KMT5C: variants seen among roughly 807,000 people sequenced by gnomAD.
The protein encoded by KMT5C is lysine methyltransferase 5C, also known as histone-lysine N-methyltransferase KMT5C.
KMT5C carries 16 observed loss-of-function variants against 38.2 expected under a neutral mutation model. The observed-to-expected ratio is 0.42, with a 90% CI of 0.28 to 0.64. KMT5C has a LOEUF of 0.64. Ranked by LOEUF, KMT5C falls within the 30% of genes least tolerant of loss-of-function variation. KMT5C has a pLI of 0.23. For synonymous variants in KMT5C, 291 were observed against 279.0 expected (o/e 1.04, Z -0.43); for missense variants, 598 against 665.1 (o/e 0.90, Z 1.11).
In KMT5C at chr19:55,346,508, AAGG is replaced by A; in HGVS notation, c.719_721del (p.Gly240del). ...TTCACCCGGTCTCCCAGGAAAGGTG[AAGG>A]AGCTTTCCGAACCAGGCCTAGGGAG... On this transcript the variant is annotated inframe_deletion, in exon 8 of 9. Transcript: ENST00000255613. 6.3e-7 allele frequency: 1 copy of A among 1,594,650 alleles called. No homozygotes were observed.
chr19:55,341,996 C>T lies in KMT5C; in HGVS notation c.60C>T (p.Ser20=), dbSNP rs377216338. 4 of 1,613,800 alleles carry T rather than the reference C, an allele frequency of 2.5e-6. No homozygotes were observed. Among genetic ancestry groups the T allele is most frequent in the Non-Finnish European group, 3.4e-6 (4 of 1,179,958 alleles). ...GCGAGAACGACGACCTGGCCACCAGCCTCGTCCTGGACCCCTACCTCGGTT... is the reference window on the plus strand; with the variant it reads ...GCGAGAACGACGACCTGGCCACCAGTCTCGTCCTGGACCCCTACCTCGGTT... ...ELCENDDLAT[S]LVLDPYLGFR... is the part of the protein sequence containing the mutation. Residue 20 remains serine, a synonymous_variant, in exon 2 of 9, where the codon AGC becomes AGT. Transcript: ENST00000255613.
In KMT5C at chr19:55,342,065, G is replaced by A. The variant is rs527764983; in HGVS notation, c.110+19G>A. On this transcript the variant is annotated intron_variant, in intron 2 of 8. Coordinates refer to ENST00000255613, the MANE Select transcript of KMT5C (RefSeq NM_032701.4). ...ACGTCAGGTGAGGTGGCCTGGGGGC[G>A]AGGGTGGGCCCGAGGGGTCAGGACC... is the stretch of plus-strand genomic sequence containing the variant. The A allele has an allele frequency of 1.2e-5, 19 of 1,601,924 alleles. No homozygotes were observed. The highest frequency in any genetic ancestry group is 4.5e-5 in the East Asian group (2 of 44,820).
chr19:55,346,169 C>T (rs1413351575), intron 6 of KMT5C, 44 bp from the exon 7 acceptor site: 21 of 1,611,182 alleles, frequency 1.3e-5, no homozygotes, highest in Non-Finnish European at 1.6e-5. Flanking sequence ...GGTGAGCCCT[C>T]CCCTGTGCCC....
At chr19:55,344,057 G>A (rs1285305005) in intron 6 of KMT5C, 60 bp downstream of exon 6, 3 of 1,579,652 alleles carry the variant, frequency 1.9e-6, no homozygotes, top group African/African-American at 2.7e-5. Flanking sequence ...CTGTGGCCTG[G>A]GGAAAGGGTT....
chr19:55,347,137 G>A lies in KMT5C; in HGVS notation c.1077G>A (p.Trp359Ter). The change falls in exon 9 of 9, where the codon TGG becomes TGA. Residue 359 changes from tryptophan (W) to a stop codon, truncating the protein, a stop_gained. Transcript: ENST00000255613. LOFTEE classifies it high-confidence loss of function. The surrounding 1 kb of genome is among the most constrained non-coding windows in gnomAD (Gnocchi z 4.6). ...CTGCCCGCGTCTCCCTGCACCGATG[G>A]GGAGGCTGTGGCCCCCACTGCCGCC... ...HHAARVSLHRWGGCGPHCRLR... is the reference protein window; with the variant it reads ...HHAARVSLHR The A allele has an allele frequency of 6.5e-7, 1 of 1,540,224 alleles. No individual in the cohort carries two copies. Among genetic ancestry groups the A allele is most frequent in the African/African-American group, 1.4e-5 (1 of 73,366 alleles).
chr19:55,346,239 C>G lies in KMT5C; in HGVS notation c.597C>G (p.Ala199=). ...TTGTGCCTGCAGATGGGAACGCAGC[C>G]TGCGTGAAGGTGCTCCGGGACATTG... ...CKFVPADGNA[A]CVKVLRDIEP... Residue 199 remains alanine (A), a synonymous_variant, in exon 7 of 9, where the codon GCC becomes GCG. Transcript: ENST00000255613. 1 of 1,614,018 alleles carries G rather than the reference C, an allele frequency of 6.2e-7. No homozygotes were observed. Among genetic ancestry groups the G allele is most frequent in the South Asian group, 1.1e-5 (1 of 91,088 alleles).
At chr19:55,344,567 G>A (rs963577756) in intron 6 of KMT5C, 15 of 387,678 alleles carry the variant, frequency 3.9e-5, no homozygotes, top group South Asian at 2.2e-4. Context: ...TCTGAAAACC[G>A]AGCTGGGAGC....
chr19:55,344,174 A>G, intron 6 of KMT5C, 177 bp downstream of exon 6: 1 of 602,280 alleles, frequency 1.7e-6, no homozygotes, highest in Non-Finnish European at 2.9e-6. Context: ...GGAGATGGAG[A>G]CCACGGTGAA....
Position 55,347,437 on chromosome 19 carries a change from TGAAGAGCTGTGACAGGCC to T in KMT5C, c.1379_*7del, listed in dbSNP as rs1162341980. On this transcript the variant is annotated stop_lost and 3_prime_UTR_variant, in exon 9 of 9. Transcript: ENST00000255613. This position sits in a 1 kb window ranked among gnomAD's most constrained non-coding sequence, Gnocchi z 4.6. ...GCTCCATCGACCTGGATGTCGGCGGTGAAGAGCTGTGACAGGCCGGACGGGGAGGCCCAGCAGGGAGAG... is the reference window on the plus strand; with the variant it reads ...GCTCCATCGACCTGGATGTCGGCGGTGGACGGGGAGGCCCAGCAGGGAGAG... 1 of 1,540,406 alleles carries T rather than the reference TGAAGAGCTGTGACAGGCC, an allele frequency of 6.5e-7. No individual in the cohort carries two copies. Among genetic ancestry groups the T allele is most frequent in the African/African-American group, 1.4e-5 (1 of 72,846 alleles).
Position 55,343,325 on chromosome 19 carries a change from G to A in KMT5C, c.387-355G>A, listed in dbSNP as rs1569020189. On this transcript the variant is annotated intron_variant, in intron 4 of 8. Coordinates refer to ENST00000255613, the MANE Select transcript of KMT5C (RefSeq NM_032701.4). The surrounding 1 kb of genome is among the most constrained non-coding windows in gnomAD (Gnocchi z 5.5). Reference sequence around the variant, plus strand: ...CCCAGGGCGAGGCTCACACTGACAGGGGAAGCACCCGCCTGAGGGTCTGGT... The same window carrying A: ...CCCAGGGCGAGGCTCACACTGACAGAGGAAGCACCCGCCTGAGGGTCTGGT... 3 of 355,942 alleles carry A rather than the reference G, an allele frequency of 8.4e-6. No individual in the cohort carries two copies. In the Admixed American group the frequency reaches 1.2e-4, roughly 14 times the overall value. 22.0% of individuals were successfully genotyped at this position (355,942 alleles called of 1,614,324 possible).
Position 55,342,229 on chromosome 19 carries a change from T to A in KMT5C, c.125T>A (p.Leu42Gln). The A allele has an allele frequency of 6.2e-7, 1 of 1,609,750 alleles. No homozygotes were observed. The highest frequency in any genetic ancestry group is 8.5e-7 in the Non-Finnish European group (1 of 1,178,852). Reference sequence around the variant, plus strand: ...CTCTCCCCCAGCCCTGTGCCCCCCCTGCGGCGACAGCAGCACCTGCGCTCA... The same window carrying A: ...CTCTCCCCCAGCCCTGTGCCCCCCCAGCGGCGACAGCAGCACCTGCGCTCA... ...HKMNVSPVPP[L>Q]RRQQHLRSAL... The change falls in exon 3 of 9, where the codon CTG becomes CAG. Residue 42 changes from leucine (L) to glutamine (Q), a missense_variant. Physicochemically the swap from Leu to Gln is moderately radical, Grantham distance 113 (BLOSUM62 -2). Transcript: ENST00000255613.
chr19:55,342,437 C>A, intron 3 of KMT5C, 57 bp downstream of exon 3: 1 of 1,325,032 alleles, frequency 7.5e-7, no homozygotes, highest in Non-Finnish European at 1.0e-6. Context: ...CTCACCGGGC[C>A]TGGTCCCGCC....
At chr19:55,342,463 A>G (rs1192268803) in intron 3 of KMT5C, 83 bp downstream of exon 3, 6 of 1,188,148 alleles carry the variant, frequency 5.0e-6, no homozygotes, top group Non-Finnish European at 6.9e-6. Context: ...GACGCTCTAG[A>G]GTCCCTCAGC....
intron 6 of KMT5C, chr19:55,344,670 G>A (rs780318997): frequency 3.9e-5 from 20 of 516,426 alleles, no homozygotes; most frequent in South Asian, 2.9e-4. Context: ...AGCTGTGGTG[G>A]CAGGAGCAGG....
At position 55,342,291 on chromosome 19, in the gene KMT5C, G is replaced by A; in HGVS notation, c.187G>A (p.Ala63Thr). 1.3e-6 allele frequency: 2 copies of A among 1,599,646 alleles called. No homozygotes were observed. Among genetic ancestry groups the A allele is most frequent in the Non-Finnish European group, 1.7e-6 (2 of 1,174,564 alleles). ...TTTCCTGAGGCAGCGGGACCTGGAGGCTGCGTACCGGGCCCTGACGCTGGG... is the reference window on the plus strand; with the variant it reads ...TTTCCTGAGGCAGCGGGACCTGGAGACTGCGTACCGGGCCCTGACGCTGGG... ...ETFLRQRDLE[A>T]AYRALTLGGW... is the part of the protein sequence containing the mutation. The change falls in exon 3 of 9, where the codon GCT (alanine) becomes ACT (threonine). Residue 63 changes from alanine (A) to threonine (T), a missense_variant. Coordinates refer to ENST00000255613, the MANE Select transcript of KMT5C (RefSeq NM_032701.4).
Position 55,346,068 on chromosome 19 carries a change from G to A in KMT5C, c.571-145G>A, listed in dbSNP as rs75649590. ...AGGACAGGCCCTCGGCAAGGCAGCC[G>A]CCTCGGAATGCCACTTTTAGGGGCT... is the stretch of plus-strand genomic sequence containing the variant. On this transcript the variant is annotated intron_variant, in intron 6 of 8. Coordinates refer to ENST00000255613, the MANE Select transcript of KMT5C (RefSeq NM_032701.4). 8,802 of 929,684 alleles carry A rather than the reference G, an allele frequency of 9.5e-3. 63 individuals are homozygous for A. The highest frequency in any genetic ancestry group is 0.012 in the Non-Finnish European group (7,618 of 621,642). The allele number at this position is 929,684 out of a possible 1,614,324, so 57.6% of individuals were successfully genotyped here.
At chr19:55,341,663 GGAGCAA>G (rs1265418142) in intron 1 of KMT5C, 125 bp from the exon 2 acceptor site, 3 of 506,758 alleles carry the variant, frequency 5.9e-6, no homozygotes, top group African/African-American at 3.9e-5. Context: ...TCTGCGCTGC[GGAGCAA>G]GAGCAAGAGC....
chr19:55,343,177 C>CCTGCCCCTGCCA lies in KMT5C; in HGVS notation c.386+337_386+338insACTGCCCCTGCC, dbSNP rs2089579471. 2.9e-6 allele frequency: 1 copy of CCTGCCCCTGCCA among 345,106 alleles called. No homozygotes were observed. The highest frequency in any genetic ancestry group is 3.4e-5 in the South Asian group (1 of 29,608). 21.4% of individuals were successfully genotyped at this position (345,106 alleles called of 1,614,324 possible). A position where few individuals can be genotyped will look rare whatever the true frequency, so the allele number is the denominator to read the frequency against. On this transcript the variant is annotated intron_variant, in intron 4 of 8. Coordinates refer to ENST00000255613, the MANE Select transcript of KMT5C (RefSeq NM_032701.4). The surrounding 1 kb of genome is among the most constrained non-coding windows in gnomAD (Gnocchi z 5.5). ...ACACCCCTGAGTGCAATGAGGAGCC[C>CCTGCCCCTGCCA]CTGCCCCTGCCCCTGCGGGGTTCAC...
At chr19:55,345,535 G>A (rs1310852426) in intron 6 of KMT5C, among the ~76,000 whole-genome samples, 1 of 152,200 alleles carries the variant, frequency 6.6e-6, no homozygotes, top group Non-Finnish European at 1.5e-5. Context: ...GAAGGCAGTG[G>A]CCGGTTGGTC....
Sources: gnomAD v4.1 joint callset for allele counts (sites outside exome capture counted in the v4.1 genomes callset) on GRCh38, gnomAD v4.1.1 for gene constraint, Gnocchi (gnomAD v3.1) non-coding constraint, MANE v1.5 for transcripts, NCBI Gene and HGNC (gene_info 2026-07-23, HGNC 2026-07-21) for gene names.